ZEB1: variants seen among roughly 807,000 people sequenced by gnomAD.
ZEB1 encodes zinc finger E-box binding homeobox 1.
In ZEB1, 21 loss-of-function variants were observed where a neutral mutation model predicts 84.9. The observed-to-expected ratio is 0.25, with a 90% CI of 0.18 to 0.36. The LOEUF (loss-of-function observed/expected upper bound fraction) is 0.36. ZEB1 is among the 10% of genes least tolerant of loss of function. ZEB1 has a pLI of 1.00. For synonymous variants in ZEB1, 420 were observed against 471.1 expected (o/e 0.89, Z 1.41); for missense variants, 1,104 against 1,330.2 (o/e 0.83, Z 2.65).
chr10:31,373,254 T>A, intron 1 of ZEB1: 1 of 982,518 alleles, frequency 1.0e-6, no homozygotes, highest in Non-Finnish European at 1.2e-6. Context: ...AATTAAAATT[T>A]TAGAACTTTT....
At chr10:31,464,789 T>C (rs780824393) in intron 2 of ZEB1, among the ~76,000 whole-genome samples, 9 of 152,156 alleles carry the variant, frequency 5.9e-5, no homozygotes, top group Non-Finnish European at 7.3e-5. Context: ...AAGTTATACT[T>C]CAGAAATGAA....
chr10:31,517,035 G>C (rs2071279939), intron 6 of ZEB1, among the ~76,000 whole-genome samples: 1 of 151,874 alleles, frequency 6.6e-6, no homozygotes, highest in Non-Finnish European at 1.5e-5. Context: ...ATAAAATATT[G>C]GTCCACAGTA....
intron 1 of ZEB1, among the ~76,000 whole-genome samples, chr10:31,326,232 G>A (rs2035468119): frequency 6.6e-6 from 1 of 152,082 alleles, no homozygotes; most frequent in Non-Finnish European, 1.5e-5. Flanking sequence ...AATCCTTCAA[G>A]GAGTAGATTT....
At chr10:31,469,616 G>A (rs1273645198) in intron 2 of ZEB1, among the ~76,000 whole-genome samples, 1 of 152,224 alleles carries the variant, frequency 6.6e-6, no homozygotes, top group East Asian at 1.9e-4. Context: ...CAAACTGCAA[G>A]GCAGCAGCGA....
chr10:31,506,643 A>C (rs1039809484), intron 4 of ZEB1, among the ~76,000 whole-genome samples: 1 of 152,022 alleles, frequency 6.6e-6, no homozygotes, highest in Non-Finnish European at 1.5e-5. Flanking sequence ...CTTTCAGTCT[A>C]TATGGATCTT....
intron 1 of ZEB1, chr10:31,321,779 G>A: frequency 3.7e-6 from 2 of 537,760 alleles, no homozygotes; most frequent in Non-Finnish European, 6.7e-6. Flanking sequence ...GGGGAAAAGC[G>A]ATCCTGAAAG....
At chr10:31,384,894 T>G (rs1005304981) in intron 1 of ZEB1, among the ~76,000 whole-genome samples, 25 of 152,286 alleles carry the variant, frequency 1.6e-4, no homozygotes, top group African/African-American at 6.0e-4. Context: ...TTTGGGTTGG[T>G]CTTTACCCCT....
intron 1 of ZEB1, among the ~76,000 whole-genome samples, chr10:31,452,742 T>A (rs7096188): frequency 0.032 from 2,894 of 90,592 alleles, 82 homozygotes; most frequent in African/African-American, 0.098. Context: ...TGTGTGTGTG[T>A]GAGAGAGAGA....
At chr10:31,456,018 C>T (rs1331927452) in intron 1 of ZEB1, among the ~76,000 whole-genome samples, 2 of 152,112 alleles carry the variant, frequency 1.3e-5, no homozygotes, top group African/African-American at 2.4e-5. Flanking sequence ...AAATGTCCAT[C>T]AATAATAGAC....
At chr10:31,412,035 T>A (rs1257887405) in intron 1 of ZEB1, among the ~76,000 whole-genome samples, 2 of 152,180 alleles carry the variant, frequency 1.3e-5, no homozygotes, top group African/African-American at 2.4e-5. Flanking sequence ...AAAACATTTT[T>A]TCAGGAGCAC....
intron 1 of ZEB1, among the ~76,000 whole-genome samples, chr10:31,403,384 C>T (rs1396589668): frequency 6.6e-6 from 1 of 151,762 alleles, no homozygotes; most frequent in Non-Finnish European, 1.5e-5. Context: ...GTATTAAACA[C>T]TTAACCTACA....
At chr10:31,447,026 C>G (rs2059880829) in intron 1 of ZEB1, among the ~76,000 whole-genome samples, 2 of 149,688 alleles carry the variant, frequency 1.3e-5, no homozygotes, top group Admixed American at 1.3e-4. Context: ...TTAAAGTCTC[C>G]CATTATTAAT....
chr10:31,320,926 G>T (rs2033844319), intron 1 of ZEB1, among the ~76,000 whole-genome samples: 1 of 152,338 alleles, frequency 6.6e-6, no homozygotes, highest in African/African-American at 2.4e-5. Flanking sequence ...GCCGCCGGCC[G>T]CAGCCCAGGC....
intron 1 of ZEB1, among the ~76,000 whole-genome samples, chr10:31,437,669 A>G (rs572371951): frequency 6.6e-6 from 1 of 152,282 alleles, no homozygotes; most frequent in East Asian, 1.9e-4. Flanking sequence ...CCTTACTTAG[A>G]TTACTATATG....
chr10:31,442,606 A>C (rs914765683), intron 1 of ZEB1, among the ~76,000 whole-genome samples: 1 of 152,088 alleles, frequency 6.6e-6, no homozygotes, highest in Admixed American at 6.5e-5. Flanking sequence ...TCAAGTAGAT[A>C]ATTTGGGATT....
chr10:31,517,419 A>C (rs1044738404), intron 6 of ZEB1, among the ~76,000 whole-genome samples: 3 of 151,882 alleles, frequency 2.0e-5, no homozygotes, highest in Non-Finnish European at 2.9e-5. Flanking sequence ...GTCCACCCCC[A>C]AAAATAATTT....
chr10:31,403,206 G>A (rs759174776), intron 1 of ZEB1, among the ~76,000 whole-genome samples: 13 of 152,012 alleles, frequency 8.6e-5, no homozygotes, highest in Non-Finnish European at 1.8e-4. Context: ...GTGTAAAATG[G>A]AAATAGTAAT....
intron 2 of ZEB1, among the ~76,000 whole-genome samples, chr10:31,473,442 G>A (rs2063579577): frequency 6.6e-6 from 1 of 152,038 alleles, no homozygotes; most frequent in Non-Finnish European, 1.5e-5. Context: ...CAAATCATGA[G>A]TGAACTCCCA....
chr10:31,323,615 A>C (rs1157298242), intron 1 of ZEB1, among the ~76,000 whole-genome samples: 1 of 152,096 alleles, frequency 6.6e-6, no homozygotes, highest in Admixed American at 6.5e-5. Flanking sequence ...TTGAGATCTT[A>C]TATGCAGTAA....
Sources: allele counts gnomAD v4.1 joint callset (sites outside exome capture counted in the v4.1 genomes callset), GRCh38; gene constraint gnomAD v4.1.1; transcripts MANE v1.5; gene names NCBI Gene and HGNC (gene_info 2026-07-23, HGNC 2026-07-21).